The following WDR49 variants were observed in gnomAD, a reference collection of about 807,000 sequenced individuals.
WDR49 encodes WD repeat domain 49.
In WDR49, 107 loss-of-function variants were observed where a neutral mutation model predicts 119.5. The observed-to-expected ratio is 0.90, with a 90% CI of 0.77 to 1.05. The LOEUF is 1.05. Among genes scored for constraint, WDR49 ranks in the 50% least tolerant of loss-of-function variants. The pLI is 0.00. For synonymous variants in WDR49, 425 were observed against 418.8 expected (o/e 1.01, Z -0.18); for missense variants, 1,240 against 1,220.5 (o/e 1.02, Z -0.24).
chr3:167,617,560 C>G (rs1363169013), intron 5 of WDR49, among the ~76,000 whole-genome samples: 2 of 151,792 alleles, frequency 1.3e-5, no homozygotes, highest in Non-Finnish European at 2.9e-5. Flanking sequence ...CTTTAAAAAC[C>G]TTTTTTTTAA....
chr3:167,528,967 G>A, intron 14 of WDR49, 85 bp downstream of exon 14: 1 of 1,157,490 alleles, frequency 8.6e-7, no homozygotes, highest in Non-Finnish European at 1.2e-6. Context: ...TTGTTTAGGA[G>A]ACAGACAAGG....
At chr3:167,570,873 T>A (rs1354128520) in intron 8 of WDR49, among the ~76,000 whole-genome samples, 1 of 151,882 alleles carries the variant, frequency 6.6e-6, no homozygotes, top group Non-Finnish European at 1.5e-5. Context: ...ATGTCTCTAC[T>A]AAAAACGTGA....
At chr3:167,623,829 A>G (rs1301536146) in intron 3 of WDR49, among the ~76,000 whole-genome samples, 3 of 152,016 alleles carry the variant, frequency 2.0e-5, no homozygotes. Flanking sequence ...ACTCAAAAAC[A>G]CTACAGAACT....
intron 3 of WDR49, 117 bp from the exon 4 acceptor site, chr3:167,621,760 A>G: frequency 1.0e-6 from 1 of 976,032 alleles, no homozygotes; most frequent in Non-Finnish European, 1.5e-6. Flanking sequence ...GAGGATCCTT[A>G]ACAGTATTAC....
At chr3:167,554,626 A>C in intron 10 of WDR49, 24 bp downstream of exon 10, 1 of 1,400,102 alleles carries the variant, frequency 7.1e-7, no homozygotes, top group Non-Finnish European at 9.8e-7. Context: ...ATTTTGATTA[A>C]AATAAAAACA....
At chr3:167,622,807 A>G (rs1716933952) in intron 3 of WDR49, among the ~76,000 whole-genome samples, 2 of 152,176 alleles carry the variant, frequency 1.3e-5, no homozygotes, top group African/African-American at 4.8e-5. Context: ...AGGGTAGACC[A>G]TATATTAGGT....
intron 5 of WDR49, among the ~76,000 whole-genome samples, chr3:167,608,567 T>G (rs1716175004): frequency 6.6e-6 from 1 of 152,214 alleles, no homozygotes; most frequent in Admixed American, 6.5e-5. Context: ...TTGTTTCTGA[T>G]TAAACTGTAG....
intron 7 of WDR49, among the ~76,000 whole-genome samples, chr3:167,577,157 T>C (rs1714290886): frequency 6.6e-6 from 1 of 152,172 alleles, no homozygotes; most frequent in African/African-American, 2.4e-5. Flanking sequence ...TCAATAGACA[T>C]TAAAAAATTG....
At chr3:167,511,881 C>A (rs1050861952) in intron 16 of WDR49, among the ~76,000 whole-genome samples, 1 of 152,222 alleles carries the variant, frequency 6.6e-6, no homozygotes, top group African/African-American at 2.4e-5. Flanking sequence ...CCGGATCCAT[C>A]CCTCCTCTTT....
At chr3:167,605,939 A>G (rs1014280839) in intron 5 of WDR49, among the ~76,000 whole-genome samples, 1 of 152,204 alleles carries the variant, frequency 6.6e-6, no homozygotes, top group Non-Finnish European at 1.5e-5. Flanking sequence ...GGACACTAGT[A>G]TTTGGTAGAG....
At chr3:167,595,688 C>G (rs1206778406) in intron 7 of WDR49, among the ~76,000 whole-genome samples, 2 of 152,072 alleles carry the variant, frequency 1.3e-5, no homozygotes, top group African/African-American at 2.4e-5. Flanking sequence ...GAAACTGGAT[C>G]CCTTCCTTAC....
At chr3:167,537,382 TA>T (rs1361692511) in intron 10 of WDR49, among the ~76,000 whole-genome samples, 1 of 152,126 alleles carries the variant, frequency 6.6e-6, no homozygotes, top group East Asian at 1.9e-4. Flanking sequence ...TATGAACAAA[TA>T]ATGTTTTGTA....
At chr3:167,546,075 A>G (rs564626747) in intron 10 of WDR49, among the ~76,000 whole-genome samples, 1 of 151,798 alleles carries the variant, frequency 6.6e-6, no homozygotes, top group Admixed American at 6.6e-5. Context: ...TTGAGGAGGG[A>G]GACAGTGAGG....
chr3:167,563,756 T>C (rs79176476), intron 8 of WDR49, among the ~76,000 whole-genome samples: 2,434 of 152,276 alleles, frequency 0.016, 70 homozygotes, highest in African/African-American at 0.056. Flanking sequence ...TGTTGAAACA[T>C]TCAAAATCCA....
intron 5 of WDR49, among the ~76,000 whole-genome samples, chr3:167,616,178 T>A (rs1056095870): frequency 6.6e-6 from 1 of 152,156 alleles, no homozygotes; most frequent in Non-Finnish European, 1.5e-5. Context: ...TCCTTGCAGC[T>A]GGTAAAGGGT....
intron 7 of WDR49, among the ~76,000 whole-genome samples, chr3:167,577,570 T>C (rs963323406): frequency 1.3e-5 from 2 of 152,088 alleles, no homozygotes; most frequent in Admixed American, 1.3e-4. Context: ...CCTCACCTAA[T>C]GCTATGAGAA....
At chr3:167,642,908 T>C (rs573330264) in intron 2 of WDR49, among the ~76,000 whole-genome samples, 3 of 151,862 alleles carry the variant, frequency 2.0e-5, no homozygotes, top group African/African-American at 4.8e-5. Context: ...GCACATTGAA[T>C]AGAATAAACG....
At chr3:167,546,177 T>C (rs1193436757) in intron 10 of WDR49, among the ~76,000 whole-genome samples, 2 of 151,932 alleles carry the variant, frequency 1.3e-5, no homozygotes, top group African/African-American at 2.4e-5. Flanking sequence ...AAGATACTCA[T>C]ATTAAATTGA....
chr3:167,504,182 T>C (rs1751685824), intron 17 of WDR49, among the ~76,000 whole-genome samples: 2 of 152,186 alleles, frequency 1.3e-5, no homozygotes, highest in South Asian at 4.1e-4. Context: ...AGAGGGCCAC[T>C]GTTCTCCATA....
Sources: allele counts gnomAD v4.1 joint callset (sites outside exome capture counted in the v4.1 genomes callset), GRCh38; gene constraint gnomAD v4.1.1; transcripts MANE v1.5; gene names NCBI Gene and HGNC (gene_info 2026-07-23, HGNC 2026-07-21).